The following ADK variants were observed in gnomAD, a reference collection of about 807,000 sequenced individuals.
The protein encoded by ADK is N6,N6-dimethyladenosine kinase.
A neutral mutation model predicts 44.7 loss-of-function variants in ADK; 24 were observed. The observed-to-expected ratio is 0.54, with a 90% CI of 0.39 to 0.76. The LOEUF (loss-of-function observed/expected upper bound fraction) is 0.76, where lower values mean the gene tolerates loss of function less well. ADK is among the 30% of genes least tolerant of loss of function. The pLI, the probability that ADK is intolerant of heterozygous loss-of-function variation, is 0.00. For missense variants in ADK, 321 were observed against 425.1 expected (o/e 0.76, Z 2.15); for synonymous variants, 128 against 142.6 (o/e 0.90, Z 0.73).
chr10:74,402,451 T>A (rs769165643), intron 6 of ADK, among the ~76,000 whole-genome samples: 1 of 152,186 alleles, frequency 6.6e-6, no homozygotes, highest in Non-Finnish European at 1.5e-5. Context: ...TTTTACTCTT[T>A]TTTTTTCTCT....
intron 4 of ADK, 82 bp downstream of exon 4, chr10:74,314,827 A>G: frequency 2.9e-6 from 3 of 1,035,844 alleles, no homozygotes; most frequent in Non-Finnish European, 4.5e-6. Context: ...TTCCTTTTAT[A>G]TTGTGTTGCT....
At chr10:74,543,816 G>T (rs575227267) in intron 7 of ADK, among the ~76,000 whole-genome samples, 1 of 151,806 alleles carries the variant, frequency 6.6e-6, no homozygotes, top group East Asian at 1.9e-4. Context: ...ACTAAAAAGT[G>T]ATCATTCTTT....
chr10:74,486,933 T>C (rs1316353873), intron 6 of ADK, among the ~76,000 whole-genome samples: 2 of 152,156 alleles, frequency 1.3e-5, no homozygotes, highest in Non-Finnish European at 2.9e-5. Flanking sequence ...TACTATTTGT[T>C]ATATTTAAGG....
rs144957375 is a variant in ADK, at chr10:74,343,217, G to A, written c.273+28472G>A. ...AGTACAGTTGACCCTTGCACAACAT[G>A]GCGATTGTGGGTGCTGACCCACTGC... On this transcript the variant is annotated intron_variant, in intron 4 of 10. Transcript: ENST00000539909. 3.6e-3 allele frequency among the ~76,000 whole-genome samples: 545 copies of A among 152,112 alleles called. 6 individuals carry two copies. Among genetic ancestry groups the A allele is most frequent in the African/African-American group, 0.012 (480 of 41,476 alleles).
chr10:74,562,288 C>T (rs1435279321), intron 7 of ADK, among the ~76,000 whole-genome samples: 1 of 152,020 alleles, frequency 6.6e-6, no homozygotes, highest in Non-Finnish European at 1.5e-5. Context: ...GACCACATGG[C>T]ATTTTTAAAG....
At chr10:74,388,170 G>A (rs940588846) in intron 4 of ADK, among the ~76,000 whole-genome samples, 3 of 152,198 alleles carry the variant, frequency 2.0e-5, no homozygotes, top group Non-Finnish European at 2.9e-5. Context: ...GCTTCCCAAA[G>A]TGTCGGGATT....
At chr10:74,257,946 G>A (rs1050390842) in intron 3 of ADK, among the ~76,000 whole-genome samples, 11 of 152,152 alleles carry the variant, frequency 7.2e-5, no homozygotes, top group Non-Finnish European at 1.2e-4. Context: ...CAATTTATGT[G>A]TAAAAGTTTC....
At chr10:74,276,629 C>T (rs983042522) in intron 3 of ADK, among the ~76,000 whole-genome samples, 7 of 152,172 alleles carry the variant, frequency 4.6e-5, no homozygotes, top group African/African-American at 1.7e-4. Flanking sequence ...ATGTTCCTTT[C>T]TGGAGGCTCT....
In ADK at chr10:74,455,209, T is replaced by TA. The variant is rs1194312144; in HGVS notation, c.555+56633dup. On this transcript the variant is annotated intron_variant, in intron 6 of 10. Coordinates refer to ENST00000539909, the MANE Select transcript of ADK (RefSeq NM_006721.4). Reference sequence around the variant, plus strand: ...ATAAACACTCACAAAATGTTTGCTATAAAGATATTTTCGACCTTCCATGGT... The same window carrying TA: ...ATAAACACTCACAAAATGTTTGCTATAAAAGATATTTTCGACCTTCCATGGT... 2.0e-5 allele frequency among the ~76,000 whole-genome samples: 3 copies of TA among 152,142 alleles called. No individual in the cohort carries two copies. The South Asian group carries it at 6.2e-4, about 32-fold the overall frequency.
At chr10:74,677,963 T>TAA (rs1855456717) in intron 10 of ADK, among the ~76,000 whole-genome samples, 1 of 2,528 alleles carries the variant, frequency 4.0e-4, no homozygotes, top group Non-Finnish European at 6.9e-4. Context: ...CCCCAGTCTC[T>TAA]ACAAAAAAAA....
chr10:74,248,238 G>C (rs967760720), intron 3 of ADK, among the ~76,000 whole-genome samples: 5 of 152,174 alleles, frequency 3.3e-5, no homozygotes, highest in African/African-American at 1.2e-4. Context: ...GAATCAGCTT[G>C]TTTGGAAGTA....
At chr10:74,267,450 T>G (rs1418579929) in intron 3 of ADK, among the ~76,000 whole-genome samples, 1 of 152,204 alleles carries the variant, frequency 6.6e-6, no homozygotes, top group African/African-American at 2.4e-5. Context: ...AGATGATTCC[T>G]TGATTCCTGT....
chr10:74,523,004 C>T (rs1848899115), intron 6 of ADK, among the ~76,000 whole-genome samples: 1 of 152,134 alleles, frequency 6.6e-6, no homozygotes, highest in Admixed American at 6.5e-5. Context: ...GCCTTTTCCT[C>T]CTCTTATTAT....
chr10:74,216,728 A>AAT (rs1844046130), intron 2 of ADK, among the ~76,000 whole-genome samples: 1 of 151,296 alleles, frequency 6.6e-6, no homozygotes, highest in African/African-American at 2.4e-5. Context: ...CTGTCTCAAA[A>AAT]AAAAAAATAA....
rs144937880 is a variant in ADK at position 74,391,486 on chromosome 10, T to C, written c.274-2655T>C. 2.4e-3 allele frequency among the ~76,000 whole-genome samples: 363 copies of C among 152,066 alleles called. 2 individuals carry two copies. The highest frequency in any genetic ancestry group is 8.4e-3 in the African/African-American group (348 of 41,504). On this transcript the variant is annotated intron_variant, in intron 4 of 10. Transcript: ENST00000539909. ...TCTTTCTGTGTTTCTTTTTATAAAA[T>C]TAGCAAACACAAAATTATATATACA...
At chr10:74,181,296 T>C (rs1369812741) in intron 1 of ADK, among the ~76,000 whole-genome samples, 1 of 152,048 alleles carries the variant, frequency 6.6e-6, no homozygotes, top group Non-Finnish European at 1.5e-5. Flanking sequence ...TGAAAACTTT[T>C]CTTTTTTTTT....
chr10:74,566,329 C>T (rs1850667995), intron 7 of ADK, among the ~76,000 whole-genome samples: 1 of 151,516 alleles, frequency 6.6e-6, no homozygotes, highest in African/African-American at 2.4e-5. Context: ...ACCTCAGCCT[C>T]CTGAGTAGCT....
intron 1 of ADK, among the ~76,000 whole-genome samples, chr10:74,169,064 A>G (rs1415612087): frequency 6.6e-6 from 1 of 152,064 alleles, no homozygotes; most frequent in Non-Finnish European, 1.5e-5. Flanking sequence ...CATCTCTACC[A>G]AAAAATTAGC....
intron 9 of ADK, among the ~76,000 whole-genome samples, chr10:74,626,405 T>G (rs1239255506): frequency 6.6e-6 from 1 of 151,874 alleles, no homozygotes; most frequent in Non-Finnish European, 1.5e-5. Flanking sequence ...GTTCAAGCGA[T>G]TCTCCTGCCT....
Sources: allele counts gnomAD v4.1 joint callset (sites outside exome capture counted in the v4.1 genomes callset), GRCh38; gene constraint gnomAD v4.1.1; transcripts MANE v1.5; gene names NCBI Gene and HGNC (gene_info 2026-07-23, HGNC 2026-07-21).